The following BIRC3 variants were observed in gnomAD, a reference collection of about 807,000 sequenced individuals.
The protein encoded by BIRC3 is baculoviral IAP repeat containing 3.
In BIRC3, 26 loss-of-function variants were observed where a neutral mutation model predicts 59.0. That is an observed-to-expected ratio of 0.44 (90% CI 0.32 to 0.61). The LOEUF (loss-of-function observed/expected upper bound fraction) is 0.61, where lower values mean the gene tolerates loss of function less well. BIRC3 is among the 20% of genes least tolerant of loss of function. The pLI is 0.04. For synonymous variants in BIRC3, 243 were observed against 249.2 expected (o/e 0.98, Z 0.24); for missense variants, 641 against 711.5 (o/e 0.90, Z 1.13).
chr11:102,330,984 C>A lies in BIRC3; in HGVS notation c.1082-15C>A, dbSNP rs1448544493. ...AGGCTATCCTAATATGTGTTAAATT[C>A]TTTGTTCCATATAGTTATCCATTTT... On this transcript the variant is annotated splice_polypyrimidine_tract_variant and intron_variant, in intron 5 of 8. Coordinates refer to ENST00000263464, the MANE Select transcript of BIRC3 (RefSeq NM_001165.5). 1 of 1,585,416 alleles carries A rather than the reference C, an allele frequency of 6.3e-7. No individual in the cohort carries two copies. The highest frequency in any genetic ancestry group is 8.6e-7 in the Non-Finnish European group (1 of 1,169,102).
rs1951228070 is a variant in BIRC3, at chr11:102,338,981, T to TAGG, written c.*1880_*1882dup. The TAGG allele has an allele frequency of 9.3e-6, 2 of 215,702 alleles. No individual in the cohort carries two copies. Among genetic ancestry groups the TAGG allele is most frequent in the African/African-American group, 4.5e-5 (2 of 44,308 alleles). 13.4% of individuals were successfully genotyped at this position (215,702 alleles called of 1,614,324 possible). On this transcript the variant is annotated 3_prime_UTR_variant, in exon 9 of 9. Transcript: ENST00000263464. ...CTGCTAGTGTTGTAAAGAGAACAAT[T>TAGG]AGGGACCAAGTGAGGGGAGGAAAGA...
Position 102,318,747 on chromosome 11 carries a change from A to G in BIRC3, c.-2674+1176A>G, listed in dbSNP as rs17882326. On this transcript the variant is annotated intron_variant, in intron 1 of 8. Transcript: ENST00000263464. ...GGGGACTGAGCCAATCTGAGAAGGA[A>G]CCACTAGAAATGAAAGAAGAATCCC... Among the ~76,000 whole-genome samples the G allele has an allele frequency of 4.3e-4, 65 of 152,286 alleles. 1 individual carries two copies. The South Asian group carries it at 0.013, about 30-fold the overall frequency.
At chr11:102,321,403 G>A (rs1951029112) in intron 1 of BIRC3, among the ~76,000 whole-genome samples, 1 of 152,096 alleles carries the variant, frequency 6.6e-6, no homozygotes, top group Non-Finnish European at 1.5e-5. Flanking sequence ...CACCCAGGCT[G>A]GAGTGTAGTG....
rs1951068828 is a variant in BIRC3, at chr11:102,325,083, G to A, written c.574G>A (p.Ala192Thr). ...TCTGTCGCCAACAGATCTGGCAAAA[G>A]CAGGCTTTTACTACATAGGACCTGG... Reference protein sequence around the residue: ...TFLSPTDLAKAGFYYIGPGDR... With the variant: ...TFLSPTDLAKTGFYYIGPGDR... The change falls in exon 2 of 9, where the codon GCA becomes ACA. Residue 192 changes from alanine to threonine, a missense_variant. Coordinates refer to ENST00000263464, the MANE Select transcript of BIRC3 (RefSeq NM_001165.5). 6.2e-7 allele frequency: 1 copy of A among 1,614,170 alleles called. No individual in the cohort carries two copies. The highest frequency in any genetic ancestry group is 8.5e-7 in the Non-Finnish European group (1 of 1,180,022).
Sources: gnomAD v4.1 joint callset for allele counts (sites outside exome capture counted in the v4.1 genomes callset) on GRCh38, gnomAD v4.1.1 for gene constraint, MANE v1.5 for transcripts, NCBI Gene and HGNC (gene_info 2026-07-23, HGNC 2026-07-21) for gene names.